Variants in TENM2 observed in about 807,000 individuals in gnomAD.
TENM2 encodes teneurin-2.
TENM2 carries 52 observed loss-of-function variants against 245.2 expected under a neutral mutation model. The observed-to-expected ratio is 0.21, with a 90% CI of 0.17 to 0.27. TENM2 has a LOEUF of 0.27. TENM2 is among the 10% of genes least tolerant of loss of function. The pLI, the probability that TENM2 is intolerant of heterozygous loss-of-function variation, is 1.00. For missense variants in TENM2, 3,046 were observed against 3,666.8 expected (o/e 0.83, Z 4.37); for synonymous variants, 1,363 against 1,438.9 (o/e 0.95, Z 1.19).
chr5:167,244,200 A>T, the TENM2 span, among the ~76,000 whole-genome samples: 4 of 152,180 alleles, frequency 2.6e-5, no homozygotes, highest in Admixed American at 2.6e-4. Context: ...AGGTCTTTAC[A>T]TTTAAGCTTA....
At chr5:168,212,286 T>C (rs746200174) in intron 20 of TENM2, among the ~76,000 whole-genome samples, 3 of 152,182 alleles carry the variant, frequency 2.0e-5, no homozygotes, top group Non-Finnish European at 4.4e-5. Flanking sequence ...TTTGAATAGT[T>C]TGAAGGATGG....
In TENM2 at chr5:168,142,217, A is replaced by T. The variant is rs552395366; in HGVS notation, c.2422+15251A>T. 2.0e-5 allele frequency among the ~76,000 whole-genome samples: 3 copies of T among 152,224 alleles called. No homozygotes were observed. The East Asian group carries it at 5.8e-4, about 29-fold the overall frequency. The stretch of plus-strand genomic sequence containing the variant: ...GTGCTGATCATTAGGGAGTTTGGCC[A>T]CTAGAGTTTCTACTTTCGGCCCTGC... On this transcript the variant is annotated intron_variant, in intron 12 of 28. Coordinates refer to ENST00000518659, the Ensembl canonical transcript of TENM2.
intron 2 of TENM2, among the ~76,000 whole-genome samples, chr5:167,495,627 T>G (rs1768765235): frequency 6.6e-6 from 1 of 152,030 alleles, no homozygotes; most frequent in African/African-American, 2.4e-5. Flanking sequence ...TGTCTTGATT[T>G]CTGTGATTTC....
At position 167,452,964 on chromosome 5, in the gene TENM2, T is replaced by TTAAATATATATATATATTTA. The variant is rs1554157789; in HGVS notation, c.502+77491_502+77492insTAAATATATATATATATTTA. On this transcript the variant is annotated intron_variant, in intron 2 of 28. Transcript: ENST00000518659. ...ATATATATATATATATATATATATTTAAAAAAAAAAACACTGGTATGGCAG... is the reference window on the plus strand; with the variant it reads ...ATATATATATATATATATATATATTTTAAATATATATATATATTTAAAAAAAAAAAACACTGGTATGGCAG... 2.6e-4 allele frequency among the ~76,000 whole-genome samples: 28 copies of TTAAATATATATATATATTTA among 108,202 alleles called. 1 individual carries two copies. The highest frequency in any genetic ancestry group is 9.3e-4 in the African/African-American group (26 of 27,966). The allele number at this position is 108,202 out of a possible 152,430, so 71.0% of individuals were successfully genotyped here. A position where few individuals can be genotyped will look rare whatever the true frequency, so the allele number is the denominator to read the frequency against.
intron 2 of TENM2, among the ~76,000 whole-genome samples, chr5:167,532,390 G>T (rs1310125492): frequency 6.6e-6 from 1 of 151,972 alleles, no homozygotes; most frequent in East Asian, 1.9e-4. Flanking sequence ...TTTTATACAG[G>T]AAAGAGGTTT....
At chr5:168,196,139 T>C (rs1477812301) in intron 15 of TENM2, among the ~76,000 whole-genome samples, 3 of 152,166 alleles carry the variant, frequency 2.0e-5, no homozygotes. Context: ...CTTGGATGTA[T>C]CACAGAAGTA....
At chr5:167,760,084 C>CTAAA (rs1482189926) in intron 2 of TENM2, among the ~76,000 whole-genome samples, 4 of 152,150 alleles carry the variant, frequency 2.6e-5, no homozygotes, top group Non-Finnish European at 5.9e-5. Flanking sequence ...GAGAGAGGAG[C>CTAAA]TAAATTTCTG....
At chr5:168,200,017 G>A (rs1761790160) in exon 17 of TENM2, 3 of 1,613,954 alleles carry the variant, frequency 1.9e-6, no homozygotes, top group Non-Finnish European at 2.5e-6. Context: ...GGTGGCTGTC[G>A]AGGGGCATCT....
At chr5:168,179,612 T>C (rs1194263249) in intron 13 of TENM2, among the ~76,000 whole-genome samples, 1 of 152,212 alleles carries the variant, frequency 6.6e-6, no homozygotes, top group East Asian at 1.9e-4. Flanking sequence ...AACAGGCTCC[T>C]GTGTGTTGGA....
the TENM2 span, among the ~76,000 whole-genome samples, chr5:167,124,277 G>T: frequency 6.6e-6 from 1 of 152,254 alleles, no homozygotes; most frequent in East Asian, 1.9e-4. Context: ...GACAGAAGGA[G>T]ATTTTTTCAA....
In TENM2 at chr5:167,683,045, T is replaced by C. The variant is rs1476309879; in HGVS notation, c.503-192941T>C. 2.0e-5 allele frequency among the ~76,000 whole-genome samples: 3 copies of C among 152,204 alleles called. No individual in the cohort carries two copies. The South Asian group carries it at 6.2e-4, about 32-fold the overall frequency. On this transcript the variant is annotated intron_variant, in intron 2 of 28. Coordinates refer to ENST00000518659, the Ensembl canonical transcript of TENM2. ...ATTTAAAAATATATATCTCAAGACA[T>C]TACTGCTTTTAAAGCACATGACATC...
At position 168,218,285 on chromosome 5, in the gene TENM2, T is replaced by G; in HGVS notation, c.4394T>G (p.Leu1465Arg). 6.2e-7 allele frequency: 1 copy of G among 1,613,540 alleles called. No individual in the cohort carries two copies. Among genetic ancestry groups the G allele is most frequent in the Non-Finnish European group, 8.5e-7 (1 of 1,179,820 alleles). Reference sequence around the variant, plus strand: ...CAAGTTCCTGGCATTGACTACTCACTCAGCAAACTAGCCATTCACTCTGCC... The same window carrying G: ...CAAGTTCCTGGCATTGACTACTCACGCAGCAAACTAGCCATTCACTCTGCC... The change falls in exon 23 of 29, where the codon CTC becomes CGC. Residue 1465 changes from leucine to arginine, a missense_variant. Physicochemically the swap from Leu to Arg is moderately radical, Grantham distance 102 (BLOSUM62 -2). This residue lies in a region of TENM2 where 2,704 missense variants were observed against 3,331.9 expected (regional missense o/e 0.81). Coordinates refer to ENST00000518659, the Ensembl canonical transcript of TENM2. The surrounding 1 kb of genome is among the most constrained non-coding windows in gnomAD (Gnocchi z 5.2).
the TENM2 span, among the ~76,000 whole-genome samples, chr5:167,033,593 C>A: frequency 6.6e-6 from 1 of 152,116 alleles, no homozygotes; most frequent in Non-Finnish European, 1.5e-5. Flanking sequence ...AATATGAGAG[C>A]CAGCTAGTCA....
At chr5:167,413,432 A>T (rs1763010103) in intron 2 of TENM2, among the ~76,000 whole-genome samples, 1 of 152,152 alleles carries the variant, frequency 6.6e-6, no homozygotes. Context: ...ACCACTGAGG[A>T]TACTAATATA....
intron 1 of TENM2, among the ~76,000 whole-genome samples, chr5:167,316,125 G>T (rs1372139742): frequency 1.3e-5 from 2 of 152,054 alleles, no homozygotes; most frequent in East Asian, 1.9e-4. Flanking sequence ...CATGCTTCTT[G>T]ATCTAAGATT....
At chr5:167,050,742 T>C in the TENM2 span, among the ~76,000 whole-genome samples, 1 of 152,194 alleles carries the variant, frequency 6.6e-6, no homozygotes, top group African/African-American at 2.4e-5. Flanking sequence ...TTCTTCATTC[T>C]GGAGTGCTCA....
intron 2 of TENM2, among the ~76,000 whole-genome samples, chr5:167,717,020 A>G (rs1223386707): frequency 2.6e-5 from 4 of 150,962 alleles, no homozygotes; most frequent in African/African-American, 4.9e-5. Flanking sequence ...AGTGGAGTGC[A>G]GTGGTGCAAT....
intron 3 of TENM2, among the ~76,000 whole-genome samples, chr5:167,907,115 C>T (rs563569325): frequency 6.6e-6 from 1 of 151,958 alleles, no homozygotes; most frequent in African/African-American, 2.4e-5. Context: ...GCCTGTAATC[C>T]CAGCTACTCG....
the TENM2 span, among the ~76,000 whole-genome samples, chr5:167,013,647 C>T: frequency 5.9e-5 from 9 of 152,174 alleles, no homozygotes; most frequent in Admixed American, 4.6e-4. Context: ...GGGGAGGTTG[C>T]AGTGAACCAA....
Sources: allele counts gnomAD v4.1 joint callset (sites outside exome capture counted in the v4.1 genomes callset), GRCh38; gene constraint gnomAD v4.1.1; regional missense constraint gnomAD v4.1.1; non-coding constraint Gnocchi (gnomAD v3.1); transcripts MANE v1.5; gene names NCBI Gene and HGNC (gene_info 2026-07-23, HGNC 2026-07-21).